Variants in HSD17B2 observed in about 807,000 individuals in gnomAD.
HSD17B2 encodes the protein 17-beta-hydroxysteroid dehydrogenase type 2.
Under a neutral mutation model 26.9 loss-of-function variants are expected in HSD17B2, and 32 were observed. That is an observed-to-expected ratio of 1.19 (90% CI 0.90 to 1.60). HSD17B2 has a LOEUF of 1.60. Ranked by LOEUF, HSD17B2 falls within the 40% of genes most tolerant of loss-of-function variation. The pLI is 0.00. For missense variants in HSD17B2, 613 were observed against 468.6 expected (o/e 1.31, Z -2.85); for synonymous variants, 246 against 186.7 (o/e 1.32, Z -2.59).
At chr16:82,066,536 A>G (rs1264357402) in intron 1 of HSD17B2, among the ~76,000 whole-genome samples, 1 of 152,236 alleles carries the variant, frequency 6.6e-6, no homozygotes, top group Non-Finnish European at 1.5e-5. Context: ...CAGAAGAAAA[A>G]TAAGTACTTT....
intron 4 of HSD17B2, chr16:82,097,282 G>GTATATATATATATACACATATA (rs1904873437): frequency 3.8e-5 from 4 of 103,938 alleles, no homozygotes; most frequent in African/African-American, 5.9e-5. Context: ...GTGTGTATGT[G>GTATATATATATATACACATATA]TGTGTGTGTG....
intron 1 of HSD17B2, among the ~76,000 whole-genome samples, chr16:82,041,253 C>T (rs1272092584): frequency 1.3e-5 from 2 of 152,164 alleles, no homozygotes; most frequent in Non-Finnish European, 2.9e-5. Flanking sequence ...TGTTAATGAG[C>T]GAATGCACAG....
intron 1 of HSD17B2, among the ~76,000 whole-genome samples, chr16:82,039,363 G>C (rs1303881983): frequency 6.6e-6 from 1 of 151,936 alleles, no homozygotes; most frequent in Admixed American, 6.6e-5. Context: ...GAGAGAGAGA[G>C]AGAGAGAGAA....
Position 82,046,344 on chromosome 16 carries a change from G to T in HSD17B2, c.265+10655G>T, listed in dbSNP as rs568378056. ...TGTTGAGAGCCACCTTGTATCAGAG[G>T]CTTCCTATGTGTCAGATACTGTAAG... On this transcript the variant is annotated intron_variant, in intron 1 of 4. Coordinates refer to ENST00000199936, the MANE Select transcript of HSD17B2 (RefSeq NM_002153.3). Among the ~76,000 whole-genome samples the T allele has an allele frequency of 1.1e-4, 16 of 152,220 alleles. No individual in the cohort carries two copies. In the South Asian group the frequency reaches 2.9e-3, roughly 28 times the overall value.
In HSD17B2 at chr16:82,090,920, G is replaced by T. The variant is rs757812646; in HGVS notation, c.683G>T (p.Arg228Met). 1 of 1,613,200 alleles carries T rather than the reference G, an allele frequency of 6.2e-7. No individual in the cohort carries two copies. The highest frequency in any genetic ancestry group is 1.3e-5 in the African/African-American group (1 of 74,960). The change falls in exon 4 of 5, where the codon AGG becomes ATG. Residue 228 changes from arginine to methionine, a missense_variant. Arg to Met is a moderately conservative substitution (Grantham distance 91). Transcript: ENST00000199936. The stretch of plus-strand genomic sequence containing the variant: ...CCCATAGGAGGGGCCCCAATGGAAA[G>T]GCTGGCATCTTATGGCTCATCAAAG... ...SSMGGGAPME[R>M]LASYGSSKAA... is the part of the protein sequence containing the mutation.
chr16:82,070,819 ACT>A, intron 2 of HSD17B2, 121 bp from the exon 3 acceptor site: 1 of 853,968 alleles, frequency 1.2e-6, no homozygotes, highest in Non-Finnish European at 1.8e-6. Flanking sequence ...CCAGTGGCAG[ACT>A]CTAATCCCCC....
At chr16:82,066,345 C>G (rs985404101) in intron 1 of HSD17B2, among the ~76,000 whole-genome samples, 2 of 152,178 alleles carry the variant, frequency 1.3e-5, no homozygotes, top group Admixed American at 6.5e-5. Flanking sequence ...GCGTTCATCT[C>G]ATAATGGTGG....
chr16:82,040,756 G>A (rs571791142), intron 1 of HSD17B2, among the ~76,000 whole-genome samples: 2 of 152,334 alleles, frequency 1.3e-5, no homozygotes, highest in East Asian at 1.9e-4. Flanking sequence ...GATGATTTGA[G>A]ACATGCCATG....
At position 82,090,315 on chromosome 16, in the gene HSD17B2, T is replaced by G. The variant is rs1490952333; in HGVS notation, c.665-587T>G. On this transcript the variant is annotated intron_variant, in intron 3 of 4. Transcript: ENST00000199936. The stretch of plus-strand genomic sequence containing the variant: ...CTAAACTACATTGTTTTTTTTTTTT[T>G]TTTTTTTTTTTTTTTTTTTTTGAGA... The G allele has an allele frequency of 5.6e-5, 17 of 305,164 alleles. 1 individual carries two copies. The South Asian group carries it at 8.4e-4, about 15-fold the overall frequency. The allele number at this position is 305,164 out of a possible 1,614,324, so 18.9% of individuals were successfully genotyped here. A position where few individuals can be genotyped will look rare whatever the true frequency, so the allele number is the denominator to read the frequency against.
At chr16:82,069,197 G>A (rs890457083) in intron 2 of HSD17B2, among the ~76,000 whole-genome samples, 1 of 152,140 alleles carries the variant, frequency 6.6e-6, no homozygotes, top group Non-Finnish European at 1.5e-5. Context: ...AGTTTGCTGA[G>A]GATAATGGCT....
intron 3 of HSD17B2, among the ~76,000 whole-genome samples, chr16:82,081,672 C>G (rs914618173): frequency 1.3e-5 from 2 of 152,162 alleles, no homozygotes; most frequent in African/African-American, 2.4e-5. Context: ...AGCATAGCTG[C>G]TTATGTGTAG....
chr16:82,079,969 T>A (rs953758081), intron 3 of HSD17B2, among the ~76,000 whole-genome samples: 2 of 152,214 alleles, frequency 1.3e-5, no homozygotes, highest in Admixed American at 6.5e-5. Context: ...CAGTCACTAA[T>A]AAGGGCTCCA....
chr16:82,041,480 G>T (rs1913764323), intron 1 of HSD17B2, among the ~76,000 whole-genome samples: 2 of 152,196 alleles, frequency 1.3e-5, no homozygotes, highest in African/African-American at 4.8e-5. Flanking sequence ...CCTGGACAAG[G>T]CTTTATGCTG....
At chr16:82,070,132 G>A (rs904100095) in intron 2 of HSD17B2, among the ~76,000 whole-genome samples, 37 of 152,112 alleles carry the variant, frequency 2.4e-4, no homozygotes, top group Non-Finnish European at 4.0e-4. Context: ...CATGTCAAAT[G>A]TTGTTTTTTT....
intron 3 of HSD17B2, among the ~76,000 whole-genome samples, chr16:82,078,980 T>C (rs528522134): frequency 1.3e-5 from 2 of 152,282 alleles, no homozygotes; most frequent in African/African-American, 4.8e-5. Context: ...AGAGTGACAA[T>C]AGTCAATAAT....
Position 82,042,192 on chromosome 16 carries a change from A to G in HSD17B2, c.265+6503A>G, listed in dbSNP as rs555002489. Among the ~76,000 whole-genome samples, 163 of 151,340 alleles carry G rather than the reference A, an allele frequency of 1.1e-3. 1 individual carries two copies. The highest frequency in any genetic ancestry group is 3.7e-3 in the African/African-American group (152 of 41,328). On this transcript the variant is annotated intron_variant, in intron 1 of 4. Coordinates refer to ENST00000199936, the MANE Select transcript of HSD17B2 (RefSeq NM_002153.3). ...CCAATTTTTGTATTTTTTAGTAGAG[A>G]GGGGGTTACGCCATTTTGACCAGGC...
In HSD17B2 at chr16:82,068,350, A is replaced by G; in HGVS notation, c.446A>G (p.Tyr149Cys). 6.2e-7 allele frequency: 1 copy of G among 1,613,538 alleles called. No homozygotes were observed. The highest frequency in any genetic ancestry group is 8.5e-7 in the Non-Finnish European group (1 of 1,179,910). ...ITKPVQIKDA[Y>C]SKVAAMLQDR... ...AAGCCAGTGCAGATAAAAGATGCTT[A>G]CAGCAAGGTTGCAGCAATGCTGCAG... The change falls in exon 2 of 5, where the codon TAC (tyrosine) becomes TGC (cysteine). Residue 149 changes from tyrosine to cysteine, a missense_variant. Transcript: ENST00000199936.
chr16:82,067,419 C>T (rs1365261521), intron 1 of HSD17B2, among the ~76,000 whole-genome samples: 1 of 152,232 alleles, frequency 6.6e-6, no homozygotes, highest in African/African-American at 2.4e-5. Flanking sequence ...GGGTATAAAA[C>T]ACTTTTTCCT....
At chr16:82,055,599 C>A (rs1914242358) in intron 1 of HSD17B2, among the ~76,000 whole-genome samples, 1 of 152,062 alleles carries the variant, frequency 6.6e-6, no homozygotes, top group African/African-American at 2.4e-5. Context: ...GAAGGTATGT[C>A]CTAAGGTTGG....
Sources: gnomAD v4.1 joint callset for allele counts (sites outside exome capture counted in the v4.1 genomes callset) on GRCh38, gnomAD v4.1.1 for gene constraint, MANE v1.5 for transcripts, NCBI Gene and HGNC (gene_info 2026-07-23, HGNC 2026-07-21) for gene names.